The following DLG2 variants were observed in gnomAD, a reference collection of about 807,000 sequenced individuals.
The protein encoded by DLG2 is discs large MAGUK scaffold protein 2, also known as disks large homolog 2.
DLG2 carries 45 observed loss-of-function variants against 132.5 expected under a neutral mutation model. The observed-to-expected ratio is 0.34, with a 90% CI of 0.27 to 0.44. The LOEUF is 0.44. Among genes scored for constraint, DLG2 ranks in the 20% least tolerant of loss-of-function variants. DLG2 has a pLI of 1.00. For missense variants in DLG2, 1,045 were observed against 1,196.9 expected, an observed-to-expected ratio of 0.87 and a Z score of 1.87; for synonymous variants, 424 against 419.6, an observed-to-expected ratio of 1.01 and a Z score of -0.13.
At chr11:85,065,422 A>G (rs2064764476) in intron 6 of DLG2, among the ~76,000 whole-genome samples, 1 of 151,498 alleles carries the variant, frequency 6.6e-6, no homozygotes, top group Non-Finnish European at 1.5e-5. Flanking sequence ...AGTCTTCATC[A>G]TTTCACAGAG....
intron 7 of DLG2, among the ~76,000 whole-genome samples, chr11:84,255,033 T>A (rs1418714688): frequency 1.3e-5 from 2 of 152,096 alleles, no homozygotes; most frequent in Non-Finnish European, 2.9e-5. Context: ...CTCTGAAGAC[T>A]CTCCCACTGC....
At chr11:85,483,635 T>C (rs1490287994) in intron 3 of DLG2, among the ~76,000 whole-genome samples, 1 of 151,998 alleles carries the variant, frequency 6.6e-6, no homozygotes, top group African/African-American at 2.4e-5. Flanking sequence ...AGTATGAAGG[T>C]TAAAAGACAA....
chr11:83,884,927 C>G (rs2067393224), intron 15 of DLG2, among the ~76,000 whole-genome samples: 1 of 152,128 alleles, frequency 6.6e-6, no homozygotes, highest in Non-Finnish European at 1.5e-5. Context: ...AAAGGATATC[C>G]ACACCAAAAA....
rs529003243 is a variant in DLG2 at position 85,338,399 on chromosome 11, C to T, written c.41-53034G>A. On this transcript the variant is annotated intron_variant, in intron 3 of 27. Transcript: ENST00000376104. ...GTATTCAATTATGATAATGTTTTCACAGTTACTTAAATCAGTTCTTTTCTT... is the reference window on the plus strand; with the variant it reads ...GTATTCAATTATGATAATGTTTTCATAGTTACTTAAATCAGTTCTTTTCTT... Among the ~76,000 whole-genome samples, 15 of 152,268 alleles carry T rather than the reference C, an allele frequency of 9.9e-5. No individual in the cohort carries two copies. The South Asian group carries it at 3.1e-3, about 32-fold the overall frequency.
intron 18 of DLG2, among the ~76,000 whole-genome samples, chr11:83,637,300 C>T (rs11233703): frequency 0.4 from 60,364 of 152,058 alleles, 14,406 homozygotes; most frequent in African/African-American, 0.67. Flanking sequence ...ATTCATAACA[C>T]TGTCTTGATT....
At chr11:84,044,397 C>T (rs1018561749) in intron 11 of DLG2, among the ~76,000 whole-genome samples, 4 of 151,724 alleles carry the variant, frequency 2.6e-5, no homozygotes, top group Non-Finnish European at 5.9e-5. Context: ...TCTGATATAA[C>T]GCATGTGACT....
intron 6 of DLG2, among the ~76,000 whole-genome samples, chr11:84,929,880 G>A (rs902062430): frequency 1.3e-5 from 2 of 152,008 alleles, no homozygotes; most frequent in African/African-American, 4.8e-5. Flanking sequence ...TGTAGATTTA[G>A]GAATACATAC....
intron 7 of DLG2, among the ~76,000 whole-genome samples, chr11:84,414,710 C>G (rs996759255): frequency 5.9e-5 from 9 of 152,046 alleles, no homozygotes; most frequent in African/African-American, 1.9e-4. Flanking sequence ...TAATATTATG[C>G]GACTATTTAC....
chr11:84,121,783 T>G (rs983806418), intron 9 of DLG2, among the ~76,000 whole-genome samples: 18 of 151,448 alleles, frequency 1.2e-4, no homozygotes, highest in Non-Finnish European at 1.9e-4. Flanking sequence ...GGATGGTCTC[T>G]ATCTCCTGAC....
chr11:85,314,508 T>C (rs934213231), intron 3 of DLG2, among the ~76,000 whole-genome samples: 6 of 151,888 alleles, frequency 4.0e-5, no homozygotes, highest in African/African-American at 1.5e-4. Flanking sequence ...ATAATATATA[T>C]ACATCCTAAT....
chr11:83,824,263 C>A (rs2051801867), intron 17 of DLG2, among the ~76,000 whole-genome samples: 1 of 152,174 alleles, frequency 6.6e-6, no homozygotes, highest in East Asian at 1.9e-4. Flanking sequence ...CTTCCCCAGG[C>A]TGAGCTAAGG....
chr11:85,391,717 G>C (rs191911261), intron 3 of DLG2, among the ~76,000 whole-genome samples: 8 of 152,094 alleles, frequency 5.3e-5, no homozygotes, highest in East Asian at 3.9e-4. Context: ...TACAGAAAAA[G>C]CATTTGACCA....
At chr11:83,573,944 T>C (rs370170198) in intron 19 of DLG2, among the ~76,000 whole-genome samples, 12 of 152,292 alleles carry the variant, frequency 7.9e-5, no homozygotes, top group African/African-American at 2.9e-4. Context: ...CTGTATTGAG[T>C]TGGTGAACTT....
At chr11:84,678,732 A>T (rs1188058841) in intron 6 of DLG2, among the ~76,000 whole-genome samples, 1 of 152,096 alleles carries the variant, frequency 6.6e-6, no homozygotes, top group Non-Finnish European at 1.5e-5. Context: ...CTGATTAAAT[A>T]TATTGTATGT....
chr11:85,157,838 G>A (rs912708502), intron 4 of DLG2, among the ~76,000 whole-genome samples: 1 of 152,162 alleles, frequency 6.6e-6, no homozygotes, highest in African/African-American at 2.4e-5. Flanking sequence ...CACTGAGTTT[G>A]TAAACTCTGA....
chr11:85,487,343 G>A (rs1288168689), intron 3 of DLG2, among the ~76,000 whole-genome samples: 1 of 146,900 alleles, frequency 6.8e-6, no homozygotes, highest in African/African-American at 2.5e-5. Flanking sequence ...CAAAATCCCA[G>A]ATCAAGAATT....
chr11:84,526,952 G>C (rs2099322900), intron 7 of DLG2, among the ~76,000 whole-genome samples: 1 of 152,002 alleles, frequency 6.6e-6, no homozygotes, highest in East Asian at 2.0e-4. Flanking sequence ...CTAATTTTTT[G>C]TATTTTTAGT....
intron 2 of DLG2, among the ~76,000 whole-genome samples, chr11:85,612,939 A>G (rs759052632): frequency 4.6e-5 from 7 of 152,292 alleles, no homozygotes; most frequent in Non-Finnish European, 8.8e-5. Context: ...GTGACTCTCC[A>G]AAACTACCGA....
At chr11:83,766,128 C>G (rs2094133629) in intron 18 of DLG2, among the ~76,000 whole-genome samples, 1 of 146,418 alleles carries the variant, frequency 6.8e-6, no homozygotes, top group African/African-American at 2.6e-5. Flanking sequence ...GAGTCTCACT[C>G]TGTCACCCAG....
Sources: allele counts gnomAD v4.1 joint callset (sites outside exome capture counted in the v4.1 genomes callset), GRCh38; gene constraint gnomAD v4.1.1; transcripts MANE v1.5; gene names NCBI Gene and HGNC (gene_info 2026-07-23, HGNC 2026-07-21).